The following AFF2 variants were observed in gnomAD, a reference collection of about 807,000 sequenced individuals.
The protein encoded by AFF2 is ALF transcription elongation factor 2.
In AFF2, 14 loss-of-function variants were observed where a neutral mutation model predicts 76.9. The ratio of observed to expected loss-of-function variants is 0.18; its 90% CI spans 0.12 to 0.28. The LOEUF is 0.28. Among genes scored for constraint, AFF2 ranks in the 10% least tolerant of loss-of-function variants. AFF2 has a pLI of 1.00. For missense variants in AFF2, 868 were observed against 1,001.1 expected, an observed-to-expected ratio of 0.87 and a Z score of 1.79; for synonymous variants, 398 against 366.7, an observed-to-expected ratio of 1.09 and a Z score of -0.98.
At chrX:148,547,440 T>C (rs1056289051) in intron 1 of AFF2, 4 of 111,969 alleles carry the variant, frequency 3.6e-5, no homozygotes, top group African/African-American at 9.7e-5. Context: ...TCTGGTTGCA[T>C]GACACAGAAT....
chrX:148,679,190 A>G (rs914571429), intron 3 of AFF2, among the ~76,000 whole-genome samples: 2 of 104,660 alleles, frequency 1.9e-5, no homozygotes, highest in Admixed American at 2.2e-4. Flanking sequence ...CAATATACGT[A>G]TAAAAGCTAT....
chrX:148,880,069 G>A (rs2071079946), intron 7 of AFF2, among the ~76,000 whole-genome samples: 1 of 112,320 alleles, frequency 8.9e-6, no homozygotes, highest in Non-Finnish European at 1.9e-5. Context: ...GTCCACCCCT[G>A]ATAGATCTTG....
At chrX:148,988,207 C>T (rs781984295) in intron 20 of AFF2, among the ~76,000 whole-genome samples, 6 of 112,200 alleles carry the variant, frequency 5.3e-5, no homozygotes, top group African/African-American at 1.9e-4. Context: ...AACAAAGCCT[C>T]ACTACCCTAA....
intron 1 of AFF2, among the ~76,000 whole-genome samples, chrX:148,591,456 G>A (rs188756875): frequency 1.7e-3 from 192 of 112,484 alleles, no homozygotes; most frequent in Middle Eastern, 4.6e-3. Flanking sequence ...TCTCCTTCAG[G>A]AATGGAGCTA....
chrX:148,593,367 C>T lies in AFF2; in HGVS notation c.48-58632C>T, dbSNP rs1169321905. Among the ~76,000 whole-genome samples, 6 of 112,266 alleles carry T rather than the reference C, an allele frequency of 5.3e-5. No individual in the cohort carries two copies. The South Asian group carries it at 1.5e-3, about 28-fold the overall frequency. On this transcript the variant is annotated intron_variant, in intron 1 of 20. Transcript: ENST00000370460. Reference sequence around the variant, plus strand: ...GTGAAAGAGGAAGTTTGGCAAAGAACGTAAGTTTTGTAACCCTTGCCTAGT... The same window carrying T: ...GTGAAAGAGGAAGTTTGGCAAAGAATGTAAGTTTTGTAACCCTTGCCTAGT...
chrX:148,505,955 CTGTG>C (rs3838386), intron 1 of AFF2, among the ~76,000 whole-genome samples: 1,558 of 102,138 alleles, frequency 0.015, 23 homozygotes, highest in African/African-American at 0.038. Context: ...GTGTGTGTGT[CTGTG>C]TGTGTGTGTG....
chrX:148,716,051 A>G (rs1557263342), intron 3 of AFF2, among the ~76,000 whole-genome samples: 1 of 110,841 alleles, frequency 9.0e-6, no homozygotes, highest in East Asian at 2.8e-4. Flanking sequence ...TATATATATT[A>G]TTTTGCATAG....
intron 9 of AFF2, among the ~76,000 whole-genome samples, chrX:148,942,748 G>A (rs782534432): frequency 7.3e-5 from 8 of 108,960 alleles, no homozygotes; most frequent in African/African-American, 1.7e-4. Flanking sequence ...CCCAGGAGGC[G>A]GACGTTGCAG....
chrX:148,618,146 G>A (rs2081896163), intron 1 of AFF2, among the ~76,000 whole-genome samples: 2 of 111,232 alleles, frequency 1.8e-5, no homozygotes, highest in Admixed American at 1.9e-4. Flanking sequence ...CTCTTTAAAA[G>A]TTCTAAATAT....
chrX:148,680,262 A>G (rs1338687363), intron 3 of AFF2, among the ~76,000 whole-genome samples: 2 of 112,486 alleles, frequency 1.8e-5, no homozygotes, highest in African/African-American at 6.5e-5. Context: ...TACATGCTGA[A>G]TAAGTGAATA....
intron 12 of AFF2, among the ~76,000 whole-genome samples, chrX:148,961,510 G>A (rs185820288): frequency 4.1e-4 from 46 of 111,744 alleles, no homozygotes; most frequent in African/African-American, 1.5e-3. Flanking sequence ...TTTCAGTTTC[G>A]CTACACAACA....
At chrX:148,872,534 C>T (rs142282810) in intron 7 of AFF2, among the ~76,000 whole-genome samples, 48 of 112,229 alleles carry the variant, frequency 4.3e-4, no homozygotes, top group Non-Finnish European at 7.9e-4. Context: ...AGTTCATTGA[C>T]ATTTGTGCTG....
At chrX:148,643,001 A>G (rs1426108205) in intron 1 of AFF2, among the ~76,000 whole-genome samples, 1 of 112,370 alleles carries the variant, frequency 8.9e-6, no homozygotes, top group East Asian at 2.8e-4. Flanking sequence ...AAGTAAATCA[A>G]GAATTAGATC....
intron 4 of AFF2, among the ~76,000 whole-genome samples, chrX:148,810,920 C>T (rs2070194631): frequency 9.0e-6 from 1 of 111,513 alleles, no homozygotes. Context: ...GCCTTCTCAG[C>T]AGCCCAGTGT....
At chrX:148,914,074 G>A (rs782584817) in intron 9 of AFF2, among the ~76,000 whole-genome samples, 1 of 111,780 alleles carries the variant, frequency 8.9e-6, no homozygotes. Context: ...AGAATAGGTC[G>A]TTTGTATGAT....
chrX:148,763,088 A>T (rs1557267453), intron 3 of AFF2, among the ~76,000 whole-genome samples: 1 of 112,279 alleles, frequency 8.9e-6, no homozygotes, highest in Admixed American at 9.5e-5. Flanking sequence ...AACAACAAAT[A>T]TTGATTTCAA....
chrX:148,554,156 G>A (rs2053025528), intron 1 of AFF2, among the ~76,000 whole-genome samples: 2 of 112,364 alleles, frequency 1.8e-5, no homozygotes, highest in Admixed American at 1.9e-4. Context: ...TACCAGAGCT[G>A]TCAAATATTA....
intron 3 of AFF2, among the ~76,000 whole-genome samples, chrX:148,793,471 G>A (rs2069927074): frequency 9.0e-6 from 1 of 111,656 alleles, no homozygotes; most frequent in East Asian, 2.8e-4. Context: ...ACTGTTTTCA[G>A]AAGTAAGGTG....
Position 148,973,455 on chromosome X carries a change from C to A in AFF2, c.3268-16C>A. 8.3e-7 allele frequency: 1 copy of A among 1,210,127 alleles called. No homozygotes were observed. The highest frequency in any genetic ancestry group is 3.0e-5 in the East Asian group (1 of 33,798). ...AACAGAGAGTATTATCTTGACGAGT[C>A]ATCTTCCTGTTTCAGTTCGAGAAAT... On this transcript the variant is annotated splice_polypyrimidine_tract_variant and intron_variant, in intron 15 of 20. Transcript: ENST00000370460.
Sources: gnomAD v4.1 joint callset for allele counts (sites outside exome capture counted in the v4.1 genomes callset) on GRCh38, gnomAD v4.1.1 for gene constraint, MANE v1.5 for transcripts, NCBI Gene and HGNC (gene_info 2026-07-23, HGNC 2026-07-21) for gene names.